MUC15: variants seen among roughly 807,000 people sequenced by gnomAD.
MUC15 encodes mucin 15, cell surface associated, also known as mucin-15.
MUC15 carries 23 observed loss-of-function variants against 24.0 expected under a neutral mutation model. That is an observed-to-expected ratio of 0.96 (90% CI 0.69 to 1.36). The LOEUF (loss-of-function observed/expected upper bound fraction) is 1.36, where lower values mean the gene tolerates loss of function less well. Ranked by LOEUF, MUC15 falls within the 40% of genes most tolerant of loss-of-function variation. MUC15 has a pLI of 0.00. For synonymous variants in MUC15, 151 were observed against 156.3 expected (o/e 0.97, Z 0.25); for missense variants, 442 against 428.2 (o/e 1.03, Z -0.29).
At chr11:26,564,649 T>G (rs1850445144) in intron 3 of MUC15, among the ~76,000 whole-genome samples, 1 of 140,258 alleles carries the variant, frequency 7.1e-6, no homozygotes, top group South Asian at 2.3e-4. Flanking sequence ...ATTCATTACT[T>G]TGTTCAACTT....
At position 26,560,963 on chromosome 11, in the gene MUC15, A is replaced by C; in HGVS notation, c.*102T>G. ...TGCTTTTATGATTCTCCTTGACAAA[A>C]TCCACGTGACAGTAATTTTGTGTAA... On this transcript the variant is annotated 3_prime_UTR_variant, in exon 5 of 5. Coordinates refer to ENST00000529533, the MANE Select transcript of MUC15 (RefSeq NM_001135091.2). The C allele has an allele frequency of 8.5e-7, 1 of 1,176,108 alleles. No individual in the cohort carries two copies. Among genetic ancestry groups the C allele is most frequent in the Non-Finnish European group, 1.2e-6 (1 of 828,264 alleles). The allele number at this position is 1,176,108 out of a possible 1,614,324, so 72.9% of individuals were successfully genotyped here.
At position 26,565,707 on chromosome 11, in the gene MUC15, C is replaced by T; in HGVS notation, c.233G>A (p.Ser78Asn). Residue 78 changes from serine to asparagine, a missense_variant, in exon 3 of 5, where the codon AGT (serine) becomes AAT (asparagine). Coordinates refer to ENST00000529533, the MANE Select transcript of MUC15 (RefSeq NM_001135091.2). ...TTTATCTGAGTTTAAGTTTGCTTCACTTTCCAAAGAAATAGGTTTATTTTC... is the reference window on the plus strand; with the variant it reads ...TTTATCTGAGTTTAAGTTTGCTTCATTTTCCAAAGAAATAGGTTTATTTTC... ...TMENKPISLE[S>N]EANLNSDKEN... is the part of the protein sequence containing the mutation. 6.2e-7 allele frequency: 1 copy of T among 1,612,970 alleles called. No individual in the cohort carries two copies. Among genetic ancestry groups the T allele is most frequent in the Non-Finnish European group, 8.5e-7 (1 of 1,179,258 alleles).
At position 26,565,991 on chromosome 11, in the gene MUC15, T is replaced by C. The variant is rs74233715; in HGVS notation, c.44-95A>G. The C allele has an allele frequency of 8.2e-4, 990 of 1,207,392 alleles. 15 individuals carry two copies. The East Asian group carries it at 0.024, about 29-fold the overall frequency. 74.8% of individuals were successfully genotyped at this position (1,207,392 alleles called of 1,614,324 possible). On this transcript the variant is annotated intron_variant, in intron 2 of 4. Coordinates refer to ENST00000529533, the MANE Select transcript of MUC15 (RefSeq NM_001135091.2). Reference sequence around the variant, plus strand: ...TTTTAAAGTGATAAAAATCTAGACATAATATAGAGATGGTAATATCATATT... The same window carrying C: ...TTTTAAAGTGATAAAAATCTAGACACAATATAGAGATGGTAATATCATATT...
At position 26,565,637 on chromosome 11, in the gene MUC15, AGG is replaced by A. The variant is rs1363057659; in HGVS notation, c.301_302del (p.Pro101PhefsTer16). ...CGTGGCTGTTGTTGGGTAGATTCAA[AGG>A]AGGGGAATGACTCGCCTTGAGATTT... Reference protein sequence around the residue: ...TSNLKASHSPPLNLPNNSHGI... With the variant: ...TSNLKASHSPXLNLPNNSHGI... On this transcript the variant is annotated frameshift_variant, in exon 3 of 5. Coordinates refer to ENST00000529533, the MANE Select transcript of MUC15 (RefSeq NM_001135091.2). LOFTEE classifies it high-confidence loss of function. 1 of 1,613,294 alleles carries A rather than the reference AGG, an allele frequency of 6.2e-7. No homozygotes were observed. The highest frequency in any genetic ancestry group is 1.3e-5 in the African/African-American group (1 of 74,856).
intron 1 of MUC15, among the ~76,000 whole-genome samples, chr11:26,571,756 G>C (rs995191057): frequency 6.6e-6 from 1 of 152,104 alleles, no homozygotes; most frequent in Non-Finnish European, 1.5e-5. Context: ...AGTCACGTAT[G>C]TTTTAAATAA....
intron 1 of MUC15, among the ~76,000 whole-genome samples, chr11:26,568,426 A>G (rs1850682364): frequency 6.6e-6 from 1 of 151,938 alleles, no homozygotes; most frequent in Non-Finnish European, 1.5e-5. Flanking sequence ...GCAAAGGAAT[A>G]TAGAATTTGG....
intron 1 of MUC15, among the ~76,000 whole-genome samples, chr11:26,568,427 T>C (rs79904669): frequency 0.023 from 3,505 of 151,968 alleles, 82 homozygotes; most frequent in African/African-American, 0.057. Context: ...CAAAGGAATA[T>C]AGAATTTGGT....
rs189570280 is a variant in MUC15 at position 26,561,154 on chromosome 11, A to G, written c.997T>C (p.Leu333=). The G allele has an allele frequency of 6.8e-6, 11 of 1,612,848 alleles. No homozygotes were observed. Among genetic ancestry groups the G allele is most frequent in the Admixed American group, 3.3e-5 (2 of 59,898 alleles). ...CTTTCTGGCATGGCTGAATCATTCA[A>G]AGTTGGATTGTAGTAGCTAGAATTC... ...FGNSSYYNPT[L]NDSAMPESEE... is the part of the protein sequence containing the mutation. Residue 333 remains leucine, a synonymous_variant, in exon 5 of 5, where the codon TTG becomes CTG. Coordinates refer to ENST00000529533, the MANE Select transcript of MUC15 (RefSeq NM_001135091.2).
Position 26,565,594 on chromosome 11 carries a change from TG to T in MUC15, c.345del (p.Ser116ValfsTer12), listed in dbSNP as rs1565110460. ...AAAGAATGCTCTGCTGATGAGTTACTGGAGAAATCTGTTATTCCGTGGCTGT... is the reference window on the plus strand; with the variant it reads ...AAAGAATGCTCTGCTGATGAGTTACTGAGAAATCTGTTATTCCGTGGCTGT... ...PNNSHGITDF[S>X]SNSSAEHSLG... On this transcript the variant is annotated frameshift_variant, in exon 3 of 5. Coordinates refer to ENST00000529533, the MANE Select transcript of MUC15 (RefSeq NM_001135091.2). LOFTEE classifies it high-confidence loss of function. 6.2e-6 allele frequency: 10 copies of T among 1,613,348 alleles called. No individual in the cohort carries two copies. Among genetic ancestry groups the T allele is most frequent in the Non-Finnish European group, 7.6e-6 (9 of 1,179,544 alleles).
At chr11:26,566,811 C>CA (rs5790590) in intron 2 of MUC15, among the ~76,000 whole-genome samples, 112,722 of 151,570 alleles carry the variant, frequency 0.74, 42,156 homozygotes, top group Admixed American at 0.8. Flanking sequence ...GCTTCTGACA[C>CA]AAATAACTCA....
At position 26,560,133 on chromosome 11, in the gene MUC15, A is replaced by G. The variant is rs1033395876; in HGVS notation, c.*932T>C. ...CTGATGCTCAGTAAAAAGTTGTTTG[A>G]TATTTCCATTCATCTTTTTTAACCT... On this transcript the variant is annotated 3_prime_UTR_variant, in exon 5 of 5. Coordinates refer to ENST00000529533, the MANE Select transcript of MUC15 (RefSeq NM_001135091.2). 1 of 197,506 alleles carries G rather than the reference A, an allele frequency of 5.1e-6. No homozygotes were observed. Among genetic ancestry groups the G allele is most frequent in the African/African-American group, 2.3e-5 (1 of 43,070 alleles). 12.2% of individuals were successfully genotyped at this position (197,506 alleles called of 1,614,324 possible).
In MUC15 at chr11:26,567,099, C is replaced by T; in HGVS notation, c.-5G>A. ...AATAGATTGTATTATGCCCATTTTG[C>T]AGATGAAGAAACTGAAGCTCACAAT... is the stretch of plus-strand genomic sequence containing the variant. On this transcript the variant is annotated 5_prime_UTR_variant, in exon 2 of 5. Transcript: ENST00000529533. 2 of 1,474,818 alleles carry T rather than the reference C, an allele frequency of 1.4e-6. No individual in the cohort carries two copies. The highest frequency in any genetic ancestry group is 9.0e-7 in the Non-Finnish European group (1 of 1,106,390). 91.4% of individuals were successfully genotyped at this position (1,474,818 alleles called of 1,614,324 possible).
At chr11:26,563,358 T>A in intron 3 of MUC15, 93 bp from the exon 4 acceptor site, 1 of 1,276,190 alleles carries the variant, frequency 7.8e-7, no homozygotes, top group Non-Finnish European at 1.1e-6. Context: ...AAAGAATGTT[T>A]AACATTTTAA....
chr11:26,571,879 A>T (rs1184309762), intron 1 of MUC15, among the ~76,000 whole-genome samples, 162 bp downstream of exon 1: 1 of 152,158 alleles, frequency 6.6e-6, no homozygotes, highest in African/African-American at 2.4e-5. Context: ...TTACTTAATA[A>T]AACAACTACT....
In MUC15 at chr11:26,560,854, G is replaced by C. The variant is rs1342140774; in HGVS notation, c.*211C>G. The C allele has an allele frequency of 4.5e-6, 2 of 448,170 alleles. No individual in the cohort carries two copies. Among genetic ancestry groups the C allele is most frequent in the South Asian group, 4.1e-5 (1 of 24,500 alleles). 27.8% of individuals were successfully genotyped at this position (448,170 alleles called of 1,614,324 possible). ...CTAAAATACAAATTAAGGCTACTTAGTAAATGCCTCAGGATGGCCAAAAAT... is the reference window on the plus strand; with the variant it reads ...CTAAAATACAAATTAAGGCTACTTACTAAATGCCTCAGGATGGCCAAAAAT... On this transcript the variant is annotated 3_prime_UTR_variant, in exon 5 of 5. Coordinates refer to ENST00000529533, the MANE Select transcript of MUC15 (RefSeq NM_001135091.2).
At position 26,560,016 on chromosome 11, in the gene MUC15, C is replaced by T. The variant is rs1850224408; in HGVS notation, c.*1049G>A. The T allele has an allele frequency of 2.7e-6, 1 of 370,098 alleles. No individual in the cohort carries two copies. Among genetic ancestry groups the T allele is most frequent in the Non-Finnish European group, 4.8e-6 (1 of 206,736 alleles). The allele number at this position is 370,098 out of a possible 1,614,324, so 22.9% of individuals were successfully genotyped here. On this transcript the variant is annotated 3_prime_UTR_variant, in exon 5 of 5. Coordinates refer to ENST00000529533, the MANE Select transcript of MUC15 (RefSeq NM_001135091.2). The stretch of plus-strand genomic sequence containing the variant: ...ACCTAGACTTTCCTACATCAAGGAA[C>T]ATATTTTTTCTACCAAAGGAAGGTG...
chr11:26,561,357 A>G (rs1590533025), intron 4 of MUC15, 132 bp from the exon 5 acceptor site: 1 of 694,898 alleles, frequency 1.4e-6, no homozygotes. Context: ...TTTAGATTTT[A>G]GTTTTAAAAT....
chr11:26,564,767 A>G (rs1435256774), intron 3 of MUC15, among the ~76,000 whole-genome samples: 1 of 98,962 alleles, frequency 1.0e-5, no homozygotes, highest in Non-Finnish European at 2.1e-5. Context: ...ATATATATAT[A>G]TATATATATA....
chr11:26,569,582 C>A (rs566178807), intron 1 of MUC15, among the ~76,000 whole-genome samples: 1 of 151,958 alleles, frequency 6.6e-6, no homozygotes, highest in Non-Finnish European at 1.5e-5. Context: ...GAGATTTGGC[C>A]GAAGTTTGAC....
Sources: gnomAD v4.1 joint callset for allele counts (sites outside exome capture counted in the v4.1 genomes callset) on GRCh38, gnomAD v4.1.1 for gene constraint, MANE v1.5 for transcripts, NCBI Gene and HGNC (gene_info 2026-07-23, HGNC 2026-07-21) for gene names.